The following VPS33A variants were observed in gnomAD, a reference collection of about 807,000 sequenced individuals.
VPS33A encodes the protein VPS33A core subunit of CORVET and HOPS complexes.
VPS33A carries 32 observed loss-of-function variants against 71.8 expected under a neutral mutation model. The ratio of observed to expected loss-of-function variants is 0.45; its 90% confidence interval spans 0.34 to 0.60. VPS33A has a LOEUF of 0.60. Ranked by LOEUF, VPS33A falls within the 20% of genes least tolerant of loss-of-function variation. VPS33A has a pLI of 0.02. For missense variants in VPS33A, 625 were observed against 748.5 expected (o/e 0.84, Z 1.92); for synonymous variants, 311 against 292.7 (o/e 1.06, Z -0.64).
At chr12:122,244,466 G>T in intron 7 of VPS33A, 103 bp downstream of exon 7, 1 of 1,021,652 alleles carries the variant, frequency 9.8e-7, no homozygotes, top group Non-Finnish European at 1.4e-6. Flanking sequence ...TTGCATTGAA[G>T]CCTGGTTTAA....
chr12:122,263,625 A>C lies in VPS33A; in HGVS notation c.243T>G (p.Phe81Leu), dbSNP rs769921977. Residue 81 changes from phenylalanine (F) to leucine (L), a missense_variant, in exon 3 of 13, where the codon TTT (phenylalanine) becomes TTG (leucine). Coordinates refer to ENST00000267199, the MANE Select transcript of VPS33A (RefSeq NM_022916.6). ...TCAACTCTAGCCTGGGTCTGACAAA[A>C]AAAATTATATTCTTCACATCAGCTG... ...LPAADVKNII[F>L]FVRPRLELMD... The C allele has an allele frequency of 6.2e-7, 1 of 1,613,314 alleles. No individual in the cohort carries two copies. The highest frequency in any genetic ancestry group is 8.5e-7 in the Non-Finnish European group (1 of 1,179,434).
intron 1 of VPS33A, chr12:122,264,876 A>G (rs1955046424): frequency 6.6e-6 from 1 of 151,990 alleles, no homozygotes; most frequent in South Asian, 2.1e-4. Context: ...CCATATGGAA[A>G]TTGTCAACTA....
chr12:122,264,529 T>C (rs1289225869), intron 1 of VPS33A, among the ~76,000 whole-genome samples: 3 of 152,096 alleles, frequency 2.0e-5, no homozygotes, highest in Non-Finnish European at 4.4e-5. Context: ...TAGCTGGGAT[T>C]ATAGGCATGC....
chr12:122,259,843 C>T (rs528554599), intron 4 of VPS33A, among the ~76,000 whole-genome samples: 6 of 151,406 alleles, frequency 4.0e-5, no homozygotes, highest in Non-Finnish European at 7.4e-5. Flanking sequence ...CATAATAAGA[C>T]GCTGTCTCTC....
chr12:122,265,083 A>G (rs1165814921), intron 1 of VPS33A, among the ~76,000 whole-genome samples: 1 of 151,072 alleles, frequency 6.6e-6, no homozygotes, highest in East Asian at 2.0e-4. Context: ...CCACCACATC[A>G]CGCTAATTTT....
intron 10 of VPS33A, among the ~76,000 whole-genome samples, chr12:122,236,254 T>C (rs1954628232): frequency 6.6e-6 from 1 of 151,852 alleles, no homozygotes; most frequent in Non-Finnish European, 1.5e-5. Context: ...TAAAAAAGAG[T>C]AAGGCATATG....
chr12:122,238,592 G>T lies in VPS33A; in HGVS notation c.1297C>A (p.Leu433Ile), dbSNP rs376097037. The change falls in exon 10 of 13, where the codon CTC (leucine) becomes ATC (isoleucine). Residue 433 changes from leucine to isoleucine, a missense_variant. Leu to Ile is a conservative substitution (Grantham distance 5, BLOSUM62 2). Coordinates refer to ENST00000267199, the MANE Select transcript of VPS33A (RefSeq NM_022916.6). ...KVLDYYKREI[L>I]QTYGYEHILT... ...TAATTTAAAAATATACTCACCTGGA[G>T]AATCTCTCTTTTGTAATAATCCAAA... is the stretch of plus-strand genomic sequence containing the variant. 3.8e-5 allele frequency: 61 copies of T among 1,604,748 alleles called. No homozygotes were observed. Among genetic ancestry groups the T allele is most frequent in the Middle Eastern group, 3.3e-4 (2 of 6,026 alleles).
At chr12:122,239,171 TA>T (rs1471624514) in intron 9 of VPS33A, among the ~76,000 whole-genome samples, 3 of 152,200 alleles carry the variant, frequency 2.0e-5, no homozygotes, top group African/African-American at 7.2e-5. Context: ...TATCAACAAC[TA>T]ATCTAGCAAA....
chr12:122,239,060 C>G (rs1405610968), intron 9 of VPS33A, among the ~76,000 whole-genome samples: 1 of 151,962 alleles, frequency 6.6e-6, no homozygotes, highest in Non-Finnish European at 1.5e-5. Flanking sequence ...AGCCCAAGGC[C>G]GCTGAGAATA....
chr12:122,243,611 A>AT (rs1954741970), intron 7 of VPS33A, among the ~76,000 whole-genome samples: 1 of 152,226 alleles, frequency 6.6e-6, no homozygotes, highest in Non-Finnish European at 1.5e-5. Context: ...TTTTGGCAAA[A>AT]TTTAATAACT....
chr12:122,243,238 C>A (rs1358909167), intron 7 of VPS33A, among the ~76,000 whole-genome samples: 1 of 152,048 alleles, frequency 6.6e-6, no homozygotes, highest in African/African-American at 2.4e-5. Flanking sequence ...TCCATTTTTT[C>A]TGTTGACCCT....
intron 5 of VPS33A, 78 bp from the exon 6 acceptor site, chr12:122,250,123 C>T (rs1592922093): frequency 1.4e-6 from 2 of 1,413,814 alleles, no homozygotes; most frequent in East Asian, 2.4e-5. Context: ...ACCAGAAAGA[C>T]AATCAAAAAA....
Position 122,246,330 on chromosome 12 carries a change from C to T in VPS33A, c.776-1568G>A, listed in dbSNP as rs533959562. Among the ~76,000 whole-genome samples, 11 of 146,840 alleles carry T rather than the reference C, an allele frequency of 7.5e-5. 1 individual carries two copies. The highest frequency in any genetic ancestry group is 7.5e-5 in the African/African-American group (3 of 39,788). The stretch of plus-strand genomic sequence containing the variant: ...TATTTATTTATTTAAGAGGGAGTCT[C>T]GCTCTCTCGCCCAGGCTGGAGTGCA... On this transcript the variant is annotated intron_variant, in intron 6 of 12. Coordinates refer to ENST00000267199, the MANE Select transcript of VPS33A (RefSeq NM_022916.6).
At chr12:122,240,921 G>A (rs950255084) in intron 8 of VPS33A, 2 of 152,096 alleles carry the variant, frequency 1.3e-5, no homozygotes, top group Non-Finnish European at 2.9e-5. Context: ...GATCACCTGA[G>A]GTTGGGAGTT....
intron 7 of VPS33A, among the ~76,000 whole-genome samples, chr12:122,244,253 A>G (rs1277016397): frequency 6.6e-6 from 1 of 152,208 alleles, no homozygotes. Flanking sequence ...TGTAGTACAG[A>G]TGGCTTCCTC....
chr12:122,239,749 CAAAAAAAAAAAAAAAAAAA>C, intron 9 of VPS33A, 110 bp downstream of exon 9: 3 of 195,344 alleles, frequency 1.5e-5, no homozygotes, highest in Non-Finnish European at 1.7e-5. Context: ...GACTCCGTCT[CAAAAAAAAAAAAAAAAAAA>C]AAAAAAAAAA....
chr12:122,233,906 T>C (rs551105892), intron 11 of VPS33A, among the ~76,000 whole-genome samples: 8 of 152,266 alleles, frequency 5.3e-5, no homozygotes, highest in African/African-American at 1.4e-4. Context: ...AATATGTACA[T>C]GATAGACTCT....
chr12:122,265,841 G>A (rs991727107), intron 1 of VPS33A: 4 of 386,322 alleles, frequency 1.0e-5, no homozygotes. Flanking sequence ...TGTTTTAGGA[G>A]GCCAGGTTAA....
intron 4 of VPS33A, 102 bp from the exon 5 acceptor site, chr12:122,251,201 C>T: frequency 1.3e-6 from 1 of 779,542 alleles, no homozygotes; most frequent in East Asian, 2.5e-5. Context: ...AAAATCATTT[C>T]CAGTTATTTC....
Sources: allele counts gnomAD v4.1 joint callset (sites outside exome capture counted in the v4.1 genomes callset), GRCh38; gene constraint gnomAD v4.1.1; transcripts MANE v1.5; gene names NCBI Gene and HGNC (gene_info 2026-07-23, HGNC 2026-07-21).